COTL1: variants seen among roughly 807,000 people sequenced by gnomAD.
The protein encoded by COTL1 is coactosin like F-actin binding protein 1.
COTL1 carries 15 observed loss-of-function variants against 16.5 expected under a neutral mutation model. That is an observed-to-expected ratio of 0.91 (90% confidence interval 0.61 to 1.40). The LOEUF (loss-of-function observed/expected upper bound fraction) is 1.40, where lower values mean the gene tolerates loss of function less well. Ranked by LOEUF, COTL1 falls within the 40% of genes most tolerant of loss-of-function variation. The pLI is 0.00. For missense variants in COTL1, 220 were observed against 201.5 expected, an observed-to-expected ratio of 1.09 and a Z score of -0.56; for synonymous variants, 112 against 85.3, an observed-to-expected ratio of 1.31 and a Z score of -1.73.
At chr16:84,588,902 A>G (rs929072351) in intron 3 of COTL1, among the ~76,000 whole-genome samples, 3 of 152,170 alleles carry the variant, frequency 2.0e-5, no homozygotes, top group Non-Finnish European at 4.4e-5. Context: ...AAGCATTTTC[A>G]TGACCTCAAA....
intron 2 of COTL1, among the ~76,000 whole-genome samples, chr16:84,610,324 C>T (rs1295383953): frequency 3.9e-5 from 6 of 152,132 alleles, no homozygotes; most frequent in African/African-American, 2.4e-5. Flanking sequence ...GAAAGTGAAC[C>T]GTCTAAAGAG....
chr16:84,598,303 T>C (rs1905046404), intron 2 of COTL1, among the ~76,000 whole-genome samples: 1 of 152,206 alleles, frequency 6.6e-6, no homozygotes, highest in Non-Finnish European at 1.5e-5. Context: ...AAGCCAATGA[T>C]GGAGCTTTGG....
chr16:84,609,772 C>G (rs886402853), intron 2 of COTL1, among the ~76,000 whole-genome samples: 1 of 141,654 alleles, frequency 7.1e-6, no homozygotes, highest in African/African-American at 2.5e-5. Context: ...AGGGGCTTCC[C>G]CCTTCACTTG....
At chr16:84,612,979 A>C (rs1204492494) in intron 2 of COTL1, among the ~76,000 whole-genome samples, 2 of 150,708 alleles carry the variant, frequency 1.3e-5, no homozygotes, top group Non-Finnish European at 2.9e-5. Flanking sequence ...GTCAATCTAG[A>C]ATGACTCTTT....
chr16:84,617,778 T>C, intron 1 of COTL1, 60 bp downstream of exon 1: 1 of 1,502,684 alleles, frequency 6.7e-7, no homozygotes, highest in African/African-American at 1.4e-5. Flanking sequence ...GCCGGCTCGG[T>C]GCACGAGGCC....
intron 3 of COTL1, among the ~76,000 whole-genome samples, chr16:84,580,419 T>C (rs1567532666): frequency 1.3e-5 from 2 of 152,116 alleles, no homozygotes; most frequent in Non-Finnish European, 2.9e-5. Context: ...GCTAATTTTT[T>C]CATATATTTT....
intron 2 of COTL1, among the ~76,000 whole-genome samples, chr16:84,598,908 G>C (rs183966323): frequency 4.4e-4 from 67 of 151,798 alleles, no homozygotes; most frequent in African/African-American, 1.6e-3. Flanking sequence ...ATGGGGATGT[G>C]GGAGAAAACC....
In COTL1 at chr16:84,590,466, G is replaced by A. The variant is rs1394042061; in HGVS notation, c.161-204C>T. On this transcript the variant is annotated intron_variant, in intron 2 of 3. Coordinates refer to ENST00000262428, the MANE Select transcript of COTL1 (RefSeq NM_021149.5). The surrounding 1 kb of genome is among the most constrained non-coding windows in gnomAD (Gnocchi z 5.5). ...CACACTCCCCTGAATCCTGGCAACA[G>A]TGCTGCAGGCTTCATGCCCATTTCA... 1 of 493,192 alleles carries A rather than the reference G, an allele frequency of 2.0e-6. No individual in the cohort carries two copies. The highest frequency in any genetic ancestry group is 3.6e-5 in the Admixed American group (1 of 27,954). The allele number at this position is 493,192 out of a possible 1,614,324, so 30.6% of individuals were successfully genotyped here. A position where few individuals can be genotyped will look rare whatever the true frequency, so the allele number is the denominator to read the frequency against.
chr16:84,613,447 C>T (rs371064583), intron 2 of COTL1, among the ~76,000 whole-genome samples: 46 of 152,114 alleles, frequency 3.0e-4, no homozygotes, highest in African/African-American at 8.2e-4. Context: ...AGCACCAAGA[C>T]GGGAAATGTT....
chr16:84,602,320 G>C (rs902844566), intron 2 of COTL1, among the ~76,000 whole-genome samples: 1 of 150,916 alleles, frequency 6.6e-6, no homozygotes, highest in Non-Finnish European at 1.5e-5. Flanking sequence ...GAGCCCAGGA[G>C]GTTGAGGCTG....
At chr16:84,576,589 G>A (rs2150681868) in intron 3 of COTL1, 1 of 152,318 alleles carries the variant, frequency 6.6e-6, no homozygotes, top group South Asian at 2.1e-4. Context: ...CCGGAAGGCA[G>A]TATTTAATGG....
chr16:84,588,959 A>ATTATTTTTTAT (rs1166586585), intron 3 of COTL1, among the ~76,000 whole-genome samples: 2 of 151,616 alleles, frequency 1.3e-5, no homozygotes, highest in Admixed American at 1.3e-4. Flanking sequence ...TCATTAGACT[A>ATTATTTTTTAT]TTATTTTTTA....
intron 3 of COTL1, among the ~76,000 whole-genome samples, chr16:84,573,260 C>T (rs796113114): frequency 9.2e-5 from 14 of 152,386 alleles, no homozygotes; most frequent in African/African-American, 3.1e-4. Flanking sequence ...TCCGGGTATA[C>T]GGCACACACT....
chr16:84,611,583 T>G (rs1905326546), intron 2 of COTL1, among the ~76,000 whole-genome samples: 1 of 152,212 alleles, frequency 6.6e-6, no homozygotes, highest in Non-Finnish European at 1.5e-5. Context: ...CTTTTCTGCT[T>G]CTGTATTTAT....
chr16:84,611,159 A>G (rs1315397293), intron 2 of COTL1, among the ~76,000 whole-genome samples: 2 of 152,224 alleles, frequency 1.3e-5, no homozygotes, highest in African/African-American at 4.8e-5. Flanking sequence ...CAGCAAGGCT[A>G]TCGTTCAAAG....
At chr16:84,592,535 G>T (rs1904894974) in intron 2 of COTL1, among the ~76,000 whole-genome samples, 1 of 151,380 alleles carries the variant, frequency 6.6e-6, no homozygotes, top group Non-Finnish European at 1.5e-5. Context: ...CAGCTCTGGG[G>T]TCTACGCTTC....
intron 3 of COTL1, among the ~76,000 whole-genome samples, chr16:84,586,414 G>C (rs1017416767): frequency 6.6e-6 from 1 of 152,164 alleles, no homozygotes; most frequent in Non-Finnish European, 1.5e-5. Flanking sequence ...AAACTGAAAA[G>C]AGTTCTAGAG....
chr16:84,586,352 C>T (rs1189877966), intron 3 of COTL1, among the ~76,000 whole-genome samples: 1 of 152,168 alleles, frequency 6.6e-6, no homozygotes, highest in Non-Finnish European at 1.5e-5. Context: ...TAAAGGTTCC[C>T]AGCAGGGAAT....
chr16:84,595,789 A>T (rs1486842494), intron 2 of COTL1: 1 of 152,128 alleles, frequency 6.6e-6, no homozygotes, highest in Non-Finnish European at 1.5e-5. Flanking sequence ...ATGTGTCTAT[A>T]TGTGTACAGG....
Sources: allele counts gnomAD v4.1 joint callset (sites outside exome capture counted in the v4.1 genomes callset), GRCh38; gene constraint gnomAD v4.1.1; non-coding constraint Gnocchi (gnomAD v3.1); transcripts MANE v1.5; gene names NCBI Gene and HGNC (gene_info 2026-07-23, HGNC 2026-07-21).